The following SCEL variants were observed in gnomAD, a reference collection of about 807,000 sequenced individuals.
SCEL encodes sciellin.
In SCEL, 113 loss-of-function variants were observed where a neutral mutation model predicts 117.6. The observed-to-expected ratio is 0.96, with a 90% CI of 0.83 to 1.12. SCEL has a LOEUF of 1.12. SCEL is among the 50% of genes most tolerant of loss of function. The probability of loss-of-function intolerance (pLI) is 0.00; values close to 1 mark genes in which losing one functional copy is unlikely to be tolerated. For synonymous variants in SCEL, 270 were observed against 256.2 expected, an observed-to-expected ratio of 1.05 and a Z score of -0.51; for missense variants, 785 against 810.8, an observed-to-expected ratio of 0.97 and a Z score of 0.39.
intron 1 of SCEL, among the ~76,000 whole-genome samples, chr13:77,544,763 A>C (rs1189077557): frequency 2.6e-5 from 4 of 152,170 alleles, no homozygotes; most frequent in Non-Finnish European, 5.9e-5. Context: ...AAGAAGACAA[A>C]AGTAAGAAAT....
Position 77,563,836 on chromosome 13 carries a change from T to C in SCEL, c.227T>C (p.Val76Ala). Residue 76 changes from valine (V) to alanine (A), a missense_variant, in exon 5 of 33, where the codon GTA becomes GCA. By Grantham distance (64) the Val-to-Ala change is moderately conservative. Coordinates refer to ENST00000349847, the MANE Select transcript of SCEL (RefSeq NM_144777.3). ...GGTAATTATGTTTGCTACAGGAAAGTAAATGAGAGAGATGTGCCAAAAGCT... is the reference window on the plus strand; with the variant it reads ...GGTAATTATGTTTGCTACAGGAAAGCAAATGAGAGAGATGTGCCAAAAGCT... ...HNSHDALDRK[V>A]NERDVPKATI... 6.3e-7 allele frequency: 1 copy of C among 1,591,084 alleles called. No homozygotes were observed. Among genetic ancestry groups the C allele is most frequent in the Non-Finnish European group, 8.5e-7 (1 of 1,172,250 alleles).
intron 9 of SCEL, among the ~76,000 whole-genome samples, chr13:77,584,480 T>G (rs531955730): frequency 1.5e-4 from 23 of 152,300 alleles, no homozygotes; most frequent in African/African-American, 5.5e-4. Context: ...CATCTTTCCC[T>G]TTCCTGCGTA....
intron 1 of SCEL, among the ~76,000 whole-genome samples, chr13:77,555,521 C>G (rs2084604959): frequency 6.6e-6 from 1 of 152,176 alleles, no homozygotes; most frequent in African/African-American, 2.4e-5. Flanking sequence ...TTTTCTGTCC[C>G]CAGCACCAGG....
intron 18 of SCEL, among the ~76,000 whole-genome samples, chr13:77,604,044 T>C (rs2087926190): frequency 6.6e-6 from 1 of 152,062 alleles, no homozygotes; most frequent in Non-Finnish European, 1.5e-5. Flanking sequence ...ATTTCAATGC[T>C]GCCTGCTTGG....
Position 77,644,366 on chromosome 13 carries a change from C to A in SCEL, c.*92C>A. 1.6e-6 allele frequency: 2 copies of A among 1,262,938 alleles called. No individual in the cohort carries two copies. Among genetic ancestry groups the A allele is most frequent in the South Asian group, 1.3e-5 (1 of 77,836 alleles). The allele number at this position is 1,262,938 out of a possible 1,614,324, so 78.2% of individuals were successfully genotyped here. On this transcript the variant is annotated 3_prime_UTR_variant, in exon 33 of 33. Transcript: ENST00000349847. ...ATAATATGTAATCTAGAAAAGCTTT[C>A]ACATTGAAGATCAACTCTTGTACAA...
chr13:77,617,889 T>A, intron 26 of SCEL, 27 bp downstream of exon 26: 1 of 1,590,416 alleles, frequency 6.3e-7, no homozygotes, highest in South Asian at 1.1e-5. Context: ...TCAATTCATG[T>A]TTTTATTTGT....
In SCEL at chr13:77,569,459, G is replaced by T. The variant is rs1278691134; in HGVS notation, c.479+8G>T. ...TCCTGTAAAGAAGAAGAGGTAGGAT[G>T]AACTCACTGTGTCTACCTCTTGCTG... On this transcript the variant is annotated splice_region_variant and intron_variant, in intron 8 of 32. Coordinates refer to ENST00000349847, the MANE Select transcript of SCEL (RefSeq NM_144777.3). The T allele has an allele frequency of 1.9e-6, 3 of 1,602,456 alleles. No homozygotes were observed. The highest frequency in any genetic ancestry group is 1.7e-5 in the Admixed American group (1 of 59,950).
chr13:77,623,555 T>C (rs1336888487), intron 27 of SCEL: 1 of 152,216 alleles, frequency 6.6e-6, no homozygotes, highest in Non-Finnish European at 1.5e-5. Flanking sequence ...ATGAAACAAA[T>C]AATAATATAG....
chr13:77,599,406 A>T lies in SCEL; in HGVS notation c.857+18A>T. 1 of 1,600,016 alleles carries T rather than the reference A, an allele frequency of 6.2e-7. No homozygotes were observed. Among genetic ancestry groups the T allele is most frequent in the Non-Finnish European group, 8.6e-7 (1 of 1,168,746 alleles). The stretch of plus-strand genomic sequence containing the variant: ...GAGAAAAGGTAAGTGCATCTGTCTC[A>T]AATATGAAAATCTTACCTTGCAGAT... On this transcript the variant is annotated intron_variant, in intron 14 of 32. Transcript: ENST00000349847.
At chr13:77,539,559 A>T (rs1278711542) in intron 1 of SCEL, among the ~76,000 whole-genome samples, 4 of 150,592 alleles carry the variant, frequency 2.7e-5, no homozygotes, top group African/African-American at 9.8e-5. Context: ...TTTTTTTGAG[A>T]CAGAGTCTCG....
rs1286895858 is a variant in SCEL, at chr13:77,566,188, C to A, written c.291-1492C>A. Among the ~76,000 whole-genome samples the A allele has an allele frequency of 1.3e-5, 2 of 152,116 alleles. 1 individual carries two copies. The highest frequency in any genetic ancestry group is 1.3e-4 in the Admixed American group (2 of 15,268). On this transcript the variant is annotated intron_variant, in intron 5 of 32. Transcript: ENST00000349847. The stretch of plus-strand genomic sequence containing the variant: ...TAACCTAATATATGAGTTTTGGGAA[C>A]AATCATACTACAGAATCGAATATAT...
intron 32 of SCEL, 46 bp from the exon 33 acceptor site, chr13:77,644,212 T>G (rs745683366): frequency 6.2e-7 from 1 of 1,608,564 alleles, no homozygotes; most frequent in Non-Finnish European, 8.5e-7. Context: ...AATGATGAGC[T>G]TGTTTCTGTA....
chr13:77,594,811 A>G (rs944887901), intron 12 of SCEL, among the ~76,000 whole-genome samples: 4 of 152,214 alleles, frequency 2.6e-5, no homozygotes, highest in Non-Finnish European at 4.4e-5. Flanking sequence ...AGTAATGCTA[A>G]GAGTGTTGTT....
At chr13:77,609,922 T>C in intron 21 of SCEL, 125 bp from the exon 22 acceptor site, 1 of 463,290 alleles carries the variant, frequency 2.2e-6, no homozygotes, top group Non-Finnish European at 3.4e-6. Context: ...CCCAGCCCTC[T>C]GAGATGATCT....
At chr13:77,627,614 C>T (rs2089806387) in intron 27 of SCEL, among the ~76,000 whole-genome samples, 1 of 151,842 alleles carries the variant, frequency 6.6e-6, no homozygotes, top group Non-Finnish European at 1.5e-5. Context: ...TCACACATAC[C>T]CTGAAACTTT....
intron 18 of SCEL, 83 bp downstream of exon 18, chr13:77,603,218 A>G (rs988713126): frequency 1.3e-6 from 1 of 760,564 alleles, no homozygotes; most frequent in Non-Finnish European, 2.1e-6. Flanking sequence ...TAGCTTCATA[A>G]TCGTGTTTTA....
chr13:77,556,827 G>C (rs2084686765), intron 3 of SCEL, 114 bp downstream of exon 3: 1 of 754,254 alleles, frequency 1.3e-6, no homozygotes, highest in Non-Finnish European at 2.3e-6. Context: ...ACACTTTGTT[G>C]CATGGTCTAA....
intron 29 of SCEL, 69 bp downstream of exon 29, chr13:77,634,519 G>A: frequency 4.4e-6 from 5 of 1,139,222 alleles, no homozygotes; most frequent in Non-Finnish European, 6.5e-6. Flanking sequence ...TTTAATAAGA[G>A]ATGCTATTGT....
intron 24 of SCEL, among the ~76,000 whole-genome samples, chr13:77,616,787 A>G (rs1345016005): frequency 7.2e-6 from 1 of 139,656 alleles, no homozygotes; most frequent in Non-Finnish European, 1.6e-5. Flanking sequence ...TTATTTTTAT[A>G]TAAGGAAAAA....
Sources: gnomAD v4.1 joint callset for allele counts (sites outside exome capture counted in the v4.1 genomes callset) on GRCh38, gnomAD v4.1.1 for gene constraint, MANE v1.5 for transcripts, NCBI Gene and HGNC (gene_info 2026-07-23, HGNC 2026-07-21) for gene names.